The following ESYT2 variants were observed in gnomAD, a reference collection of about 807,000 sequenced individuals.
ESYT2 encodes extended synaptotagmin 2.
In ESYT2, 54 loss-of-function variants were observed where a neutral mutation model predicts 107.2. That is an observed-to-expected ratio of 0.50 (90% CI 0.40 to 0.63). The LOEUF (loss-of-function observed/expected upper bound fraction) is 0.63, where lower values mean the gene tolerates loss of function less well. Among genes scored for constraint, ESYT2 ranks in the 30% least tolerant of loss-of-function variants. The pLI, the probability that ESYT2 is intolerant of heterozygous loss-of-function variation, is 0.00. For missense variants in ESYT2, 1,020 were observed against 1,094.5 expected, an observed-to-expected ratio of 0.93 and a Z score of 0.96; for synonymous variants, 491 against 434.1, an observed-to-expected ratio of 1.13 and a Z score of -1.63.
intron 1 of ESYT2, among the ~76,000 whole-genome samples, chr7:158,816,048 G>A (rs376153536): frequency 6.6e-6 from 1 of 152,134 alleles, no homozygotes; most frequent in African/African-American, 2.4e-5. Flanking sequence ...CAAAAAGAAC[G>A]CTGCAGATGT....
chr7:158,808,001 C>G (rs1295545536), intron 1 of ESYT2, among the ~76,000 whole-genome samples: 1 of 152,126 alleles, frequency 6.6e-6, no homozygotes, highest in Non-Finnish European at 1.5e-5. Flanking sequence ...GAGAGCAGGC[C>G]CCACAGCTCC....
chr7:158,820,542 G>C (rs974151766), intron 1 of ESYT2, among the ~76,000 whole-genome samples: 24 of 152,196 alleles, frequency 1.6e-4, no homozygotes, highest in Non-Finnish European at 3.2e-4. Context: ...TTCCCTCCCA[G>C]ATCTTTGGGA....
At chr7:158,818,808 C>T (rs1017028752) in intron 1 of ESYT2, among the ~76,000 whole-genome samples, 3 of 152,222 alleles carry the variant, frequency 2.0e-5, no homozygotes, top group Non-Finnish European at 2.9e-5. Flanking sequence ...GGTCTCAGGG[C>T]GCAACCCACA....
chr7:158,770,780 G>T (rs946369399), intron 7 of ESYT2, among the ~76,000 whole-genome samples: 7 of 152,148 alleles, frequency 4.6e-5, no homozygotes, highest in African/African-American at 1.7e-4. Context: ...CTCCCAAAGT[G>T]CTGGGATTAC....
rs912791728 is a variant in ESYT2 at position 158,733,258 on chromosome 7, C to A, written c.*949G>T. 1.3e-5 allele frequency: 2 copies of A among 152,256 alleles called. No individual in the cohort carries two copies. Among genetic ancestry groups the A allele is most frequent in the Non-Finnish European group, 2.9e-5 (2 of 68,046 alleles). The allele number at this position is 152,256 out of a possible 1,614,324, so 9.4% of individuals were successfully genotyped here. On this transcript the variant is annotated 3_prime_UTR_variant, in exon 23 of 23. Transcript: ENST00000275418. ...TGTCTACTCACTCCAATCTACCTCA[C>A]AACCTTTAAAAGGACAACGTGTACC...
intron 10 of ESYT2, 46 bp from the exon 11 acceptor site, chr7:158,761,590 T>G: frequency 1.3e-6 from 2 of 1,535,418 alleles, no homozygotes; most frequent in Non-Finnish European, 1.8e-6. Flanking sequence ...GAAACACATT[T>G]CTTACTGAAA....
At chr7:158,739,368 C>T (rs866815712) in intron 18 of ESYT2, among the ~76,000 whole-genome samples, 4 of 152,092 alleles carry the variant, frequency 2.6e-5, no homozygotes, top group East Asian at 1.9e-4. Context: ...TTTTTTGAGA[C>T]GGAGTTTCAC....
At chr7:158,793,420 G>C (rs2129473412) in intron 4 of ESYT2, among the ~76,000 whole-genome samples, 1 of 150,184 alleles carries the variant, frequency 6.7e-6, no homozygotes, top group Admixed American at 6.6e-5. Context: ...TTCTTTTTTT[G>C]CAGTGTCTTT....
At chr7:158,790,539 G>A (rs1414909621) in intron 4 of ESYT2, among the ~76,000 whole-genome samples, 2 of 152,188 alleles carry the variant, frequency 1.3e-5, no homozygotes, top group African/African-American at 4.8e-5. Flanking sequence ...TGGGGGGTGT[G>A]GGGGGAAGGA....
intron 1 of ESYT2, among the ~76,000 whole-genome samples, chr7:158,827,094 C>T (rs1335754677): frequency 2.1e-5 from 3 of 146,276 alleles, no homozygotes; most frequent in Non-Finnish European, 3.0e-5. Flanking sequence ...ACCCTGGAGG[C>T]GGAGGTTGTA....
chr7:158,823,793 T>C (rs544949414), intron 1 of ESYT2, among the ~76,000 whole-genome samples: 14 of 152,296 alleles, frequency 9.2e-5, no homozygotes, highest in African/African-American at 1.2e-4. Flanking sequence ...GAAACGATCA[T>C]AGGTTCATTA....
intron 12 of ESYT2, 88 bp downstream of exon 12, chr7:158,759,970 A>G (rs1837902235): frequency 1.7e-6 from 2 of 1,190,454 alleles, no homozygotes; most frequent in Non-Finnish European, 2.5e-6. Context: ...TTGTTAAAAA[A>G]TCAAGTAGCA....
intron 7 of ESYT2, among the ~76,000 whole-genome samples, chr7:158,771,224 G>A (rs763416230): frequency 1.3e-5 from 2 of 152,206 alleles, no homozygotes; most frequent in African/African-American, 4.8e-5. Flanking sequence ...TTAATACAAC[G>A]TTGTTTACAG....
chr7:158,824,211 A>C (rs1047648483), intron 1 of ESYT2, among the ~76,000 whole-genome samples: 4 of 152,158 alleles, frequency 2.6e-5, no homozygotes, highest in Non-Finnish European at 5.9e-5. Flanking sequence ...GGGTGTGAAC[A>C]AGAAACCCAA....
intron 7 of ESYT2, among the ~76,000 whole-genome samples, chr7:158,771,276 G>A (rs1243391858): frequency 6.6e-6 from 1 of 152,324 alleles, no homozygotes; most frequent in East Asian, 1.9e-4. Flanking sequence ...GTCCTCCTAT[G>A]ATACTGAAGG....
chr7:158,783,511 T>C (rs962305016), intron 6 of ESYT2, among the ~76,000 whole-genome samples: 1 of 152,174 alleles, frequency 6.6e-6, no homozygotes, highest in African/African-American at 2.4e-5. Flanking sequence ...ATGTTTTTCT[T>C]ATGTTTCTAA....
At chr7:158,827,174 A>AAG (rs1554429173) in intron 1 of ESYT2, among the ~76,000 whole-genome samples, 13 of 152,004 alleles carry the variant, frequency 8.6e-5, no homozygotes, top group East Asian at 7.7e-4. Context: ...AAAAAAAAAA[A>AAG]AAAAGAAAAG....
chr7:158,742,495 G>A (rs1413154918), intron 17 of ESYT2, among the ~76,000 whole-genome samples: 2 of 152,214 alleles, frequency 1.3e-5, no homozygotes, highest in Non-Finnish European at 2.9e-5. Flanking sequence ...CTCGACACAA[G>A]ACCAAAGCCC....
At chr7:158,801,758 G>A (rs766712888) in intron 1 of ESYT2, among the ~76,000 whole-genome samples, 1 of 152,092 alleles carries the variant, frequency 6.6e-6, no homozygotes, top group African/African-American at 2.4e-5. Flanking sequence ...TATTATATTT[G>A]AGTTGACACC....
Sources: allele counts gnomAD v4.1 joint callset (sites outside exome capture counted in the v4.1 genomes callset), GRCh38; gene constraint gnomAD v4.1.1; transcripts MANE v1.5; gene names NCBI Gene and HGNC (gene_info 2026-07-23, HGNC 2026-07-21).